Variants in STK32B observed in about 807,000 individuals in gnomAD.
STK32B encodes the protein serine/threonine kinase 32B, also known as serine/threonine-protein kinase 32B.
A neutral mutation model predicts 52.6 loss-of-function variants in STK32B; 43 were observed. The ratio of observed to expected loss-of-function variants is 0.82; its 90% CI spans 0.64 to 1.05. The LOEUF is 1.05. Ranked by LOEUF, STK32B falls within the 50% of genes least tolerant of loss-of-function variation. The pLI, the probability that STK32B is intolerant of heterozygous loss-of-function variation, is 0.00. For synonymous variants in STK32B, 238 were observed against 204.3 expected (o/e 1.17, Z -1.41); for missense variants, 621 against 534.6 (o/e 1.16, Z -1.59).
intron 4 of STK32B, among the ~76,000 whole-genome samples, chr4:5,360,084 C>T (rs1253686878): frequency 6.6e-6 from 1 of 152,138 alleles, no homozygotes; most frequent in Non-Finnish European, 1.5e-5. Context: ...GAAGGCAAGG[C>T]TCTTGCTGGA....
chr4:5,257,530 T>G (rs770392209), intron 3 of STK32B, among the ~76,000 whole-genome samples: 1 of 152,218 alleles, frequency 6.6e-6, no homozygotes, highest in African/African-American at 2.4e-5. Context: ...ATGGGTCTTC[T>G]TGCTTCTACC....
At chr4:5,370,984 A>ATATATGTGTGTGTGTG (rs1553879907) in intron 4 of STK32B, among the ~76,000 whole-genome samples, 1 of 145,316 alleles carries the variant, frequency 6.9e-6, no homozygotes, top group Non-Finnish European at 1.5e-5. Context: ...ATATATATAT[A>ATATATGTGTGTGTGTG]TGTGTGTGTG....
intron 7 of STK32B, among the ~76,000 whole-genome samples, chr4:5,454,027 C>A (rs1256193946): frequency 6.6e-6 from 1 of 152,166 alleles, no homozygotes; most frequent in East Asian, 1.9e-4. Context: ...CGCAAACATG[C>A]CCAGCAGCCC....
intron 1 of STK32B, among the ~76,000 whole-genome samples, chr4:5,088,891 CAAA>C (rs1712889228): frequency 6.7e-6 from 1 of 150,114 alleles, no homozygotes; most frequent in South Asian, 2.1e-4. Flanking sequence ...AGAATCTAGA[CAAA>C]GAAGAACAAA....
intron 3 of STK32B, among the ~76,000 whole-genome samples, chr4:5,242,206 G>A (rs910101025): frequency 1.3e-5 from 2 of 152,174 alleles, no homozygotes; most frequent in Non-Finnish European, 2.9e-5. Context: ...GTGTATAAGT[G>A]TTCCTATTTC....
At chr4:5,382,755 A>G (rs1160375225) in intron 4 of STK32B, among the ~76,000 whole-genome samples, 4 of 152,190 alleles carry the variant, frequency 2.6e-5, no homozygotes, top group Non-Finnish European at 5.9e-5. Flanking sequence ...AGCTTTCACC[A>G]TATGCCAAGC....
intron 3 of STK32B, among the ~76,000 whole-genome samples, chr4:5,176,336 G>T (rs1719892666): frequency 6.6e-6 from 1 of 151,996 alleles, no homozygotes; most frequent in Non-Finnish European, 1.5e-5. Flanking sequence ...ACTCCCCAGT[G>T]AGATGAACCC....
chr4:5,462,681 CG>C (rs1717129803), intron 9 of STK32B, among the ~76,000 whole-genome samples: 2 of 152,246 alleles, frequency 1.3e-5, no homozygotes, highest in Admixed American at 1.3e-4. Context: ...GCCCCCACTG[CG>C]GGTCGACCTT....
At chr4:5,025,348 G>A in the STK32B span, among the ~76,000 whole-genome samples, 13 of 152,324 alleles carry the variant, frequency 8.5e-5, no homozygotes, top group African/African-American at 2.4e-4. Flanking sequence ...TGGAACGGGG[G>A]AGCTGGGCTT....
chr4:5,210,741 G>T (rs1722855730), intron 3 of STK32B, among the ~76,000 whole-genome samples: 1 of 151,496 alleles, frequency 6.6e-6, no homozygotes, highest in Non-Finnish European at 1.5e-5. Flanking sequence ...TTACAGTATA[G>T]TTGCAAAAGT....
chr4:5,154,497 G>C (rs1395494002), intron 2 of STK32B, among the ~76,000 whole-genome samples: 1 of 152,162 alleles, frequency 6.6e-6, no homozygotes, highest in African/African-American at 2.4e-5. Context: ...TTACAGGCGT[G>C]AACCACCGAG....
At position 5,051,675 on chromosome 4, in the gene STK32B, C is replaced by T; in HGVS notation, c.-189C>T. ...AGAGCGGGGTCCCTGCGAGCGCAGT[C>T]GGAAGGGCGTCCAGGAGAAGGGGGA... is the stretch of plus-strand genomic sequence containing the variant. On this transcript the variant is annotated 5_prime_UTR_variant, in exon 1 of 12. Coordinates refer to ENST00000282908, the MANE Select transcript of STK32B (RefSeq NM_018401.3). The T allele has an allele frequency of 3.1e-6, 2 of 655,100 alleles. No individual in the cohort carries two copies. The highest frequency in any genetic ancestry group is 4.9e-6 in the Non-Finnish European group (2 of 408,242). 40.6% of individuals were successfully genotyped at this position (655,100 alleles called of 1,614,324 possible). A position where few individuals can be genotyped will look rare whatever the true frequency, so the allele number is the denominator to read the frequency against.
intron 3 of STK32B, among the ~76,000 whole-genome samples, chr4:5,242,565 G>A (rs572148727): frequency 1.2e-4 from 18 of 152,194 alleles, no homozygotes; most frequent in Non-Finnish European, 2.6e-4. Context: ...TTGCTGTGCA[G>A]AAGCTCTTGA....
At chr4:5,350,511 G>A (rs1426020893) in intron 4 of STK32B, among the ~76,000 whole-genome samples, 1 of 151,140 alleles carries the variant, frequency 6.6e-6, no homozygotes, top group Non-Finnish European at 1.5e-5. Context: ...ACAAAAAATG[G>A]GAAAACTCAA....
chr4:5,419,586 G>C (rs748163310), intron 6 of STK32B, among the ~76,000 whole-genome samples: 4 of 152,202 alleles, frequency 2.6e-5, no homozygotes, highest in Non-Finnish European at 5.9e-5. Flanking sequence ...GAGTATTTTG[G>C]AGTTCTTTGT....
chr4:5,365,602 G>A (rs1181383133), intron 4 of STK32B, among the ~76,000 whole-genome samples: 1 of 152,162 alleles, frequency 6.6e-6, no homozygotes, highest in African/African-American at 2.4e-5. Flanking sequence ...GGGCTGGAGA[G>A]GAAACTTTCA....
At chr4:5,168,638 A>T (rs1184234368) in intron 3 of STK32B, among the ~76,000 whole-genome samples, 188 bp downstream of exon 3, 8 of 152,230 alleles carry the variant, frequency 5.3e-5, no homozygotes, top group Non-Finnish European at 1.2e-4. Flanking sequence ...TTTCATTTTC[A>T]TTTTAATTCT....
In STK32B at chr4:5,078,906, T is replaced by C. The variant is rs201627984; in HGVS notation, c.52+26991T>C. Among the ~76,000 whole-genome samples, 7 of 152,360 alleles carry C rather than the reference T, an allele frequency of 4.6e-5. No homozygotes were observed. The East Asian group carries it at 1.3e-3, about 29-fold the overall frequency. ...TAGCACCGGTTTTAGTGTATTTCAG[T>C]TTCTGTCACAACAACCCATGAAATT... is the stretch of plus-strand genomic sequence containing the variant. On this transcript the variant is annotated intron_variant, in intron 1 of 11. Coordinates refer to ENST00000282908, the MANE Select transcript of STK32B (RefSeq NM_018401.3).
chr4:5,144,222 CCATT>C (rs1398074410), intron 2 of STK32B, among the ~76,000 whole-genome samples: 1 of 152,086 alleles, frequency 6.6e-6, no homozygotes, highest in Admixed American at 6.6e-5. Context: ...GATTCAAATG[CCATT>C]CATGCATGCA....
Sources: gnomAD v4.1 joint callset for allele counts (sites outside exome capture counted in the v4.1 genomes callset) on GRCh38, gnomAD v4.1.1 for gene constraint, MANE v1.5 for transcripts, NCBI Gene and HGNC (gene_info 2026-07-23, HGNC 2026-07-21) for gene names.